CCN5: variants seen among roughly 807,000 people sequenced by gnomAD.
CCN5 encodes the protein cellular communication network factor 5.
A neutral mutation model predicts 18.7 loss-of-function variants in CCN5; 17 were observed. That is an observed-to-expected ratio of 0.91 (90% CI 0.62 to 1.36). The LOEUF is 1.36. Ranked by LOEUF, CCN5 falls within the 40% of genes most tolerant of loss-of-function variation. CCN5 has a pLI of 0.00. For missense variants in CCN5, 367 were observed against 342.9 expected, an observed-to-expected ratio of 1.07 and a Z score of -0.56; for synonymous variants, 135 against 145.2, an observed-to-expected ratio of 0.93 and a Z score of 0.50.
At chr20:44,715,268 C>CGCGCGCGTGT (rs1388403507), upstream of CCN5, 4 of 651,694 alleles carry the variant, frequency 6.1e-6, no homozygotes, top group Admixed American at 7.0e-5. Flanking sequence ...TGTGAGCGCG[C>CGCGCGCGTGT]GCGCGCGCGC....
At chr20:44,718,210 G>T (rs957242392) in intron 1 of CCN5, among the ~76,000 whole-genome samples, 5 of 152,212 alleles carry the variant, frequency 3.3e-5, no homozygotes, top group African/African-American at 1.2e-4. Flanking sequence ...AGGCTGGTCA[G>T]CCAGTTTGCA....
intron 2 of CCN5, among the ~76,000 whole-genome samples, chr20:44,722,319 A>G (rs1458903835): frequency 6.6e-6 from 1 of 152,208 alleles, no homozygotes; most frequent in African/African-American, 2.4e-5. Flanking sequence ...CAGATTCACC[A>G]TCGTGATAAC....
At chr20:44,720,189 C>A in intron 2 of CCN5, 76 bp downstream of exon 2, 1 of 1,427,360 alleles carries the variant, frequency 7.0e-7, no homozygotes, top group Non-Finnish European at 9.5e-7. Flanking sequence ...GATCAAAGTG[C>A]AGCCCTCCTC....
chr20:44,724,512 G>A (rs867241496), intron 2 of CCN5: 7 of 594,108 alleles, frequency 1.2e-5, no homozygotes, highest in Middle Eastern at 4.5e-4. Context: ...GGCAGAGTTT[G>A]GGGGGTCAAT....
chr20:44,715,584 T>C, intron 1 of CCN5, 134 bp downstream of exon 1: 2 of 978,350 alleles, frequency 2.0e-6, no homozygotes, highest in Non-Finnish European at 3.0e-6. Context: ...CTGGCCCCCA[T>C]GCCTAAGCAG....
chr20:44,722,963 G>A (rs1001459782), intron 2 of CCN5, among the ~76,000 whole-genome samples: 2 of 152,112 alleles, frequency 1.3e-5, no homozygotes, highest in African/African-American at 2.4e-5. Flanking sequence ...AGCAGTCAGA[G>A]AGCTCCTGGG....
chr20:44,718,033 C>T (rs1400813582), intron 1 of CCN5, among the ~76,000 whole-genome samples: 1 of 152,228 alleles, frequency 6.6e-6, no homozygotes, highest in African/African-American at 2.4e-5. Context: ...TCAGACCACA[C>T]CTTGAGGGGC....
In CCN5 at chr20:44,720,029, G is replaced by C. The variant is rs750003959; in HGVS notation, c.193G>C (p.Asp65His). 6.2e-7 allele frequency: 1 copy of C among 1,604,896 alleles called. No individual in the cohort carries two copies. Among genetic ancestry groups the C allele is most frequent in the South Asian group, 1.1e-5 (1 of 90,434 alleles). The change falls in exon 2 of 4, where the codon GAC becomes CAC. Residue 65 changes from aspartate (D) to histidine (H), a missense_variant. Asp to His is a moderately conservative substitution (Grantham distance 81). Transcript: ENST00000190983. ...VCARRLGEPC[D>H]QLHVCDASQG... ...TGCACGGCGGCTGGGGGAGCCCTGC[G>C]ACCAACTCCACGTCTGCGACGCCAG...
rs1214204132 is a variant in CCN5 at position 44,724,950 on chromosome 20, G to A, written c.490G>A (p.Gly164Ser). ...LGKCCPEWVC[G>S]QGGGLGTQPL... is the part of the protein sequence containing the mutation. ...CAAGTGCTGCCCTGAGTGGGTGTGCGGCCAAGGAGGGGGACTGGGGACCCA... is the reference window on the plus strand; with the variant it reads ...CAAGTGCTGCCCTGAGTGGGTGTGCAGCCAAGGAGGGGGACTGGGGACCCA... The change falls in exon 3 of 4, where the codon GGC becomes AGC. Residue 164 changes from glycine to serine, a missense_variant. By Grantham distance (56) the Gly-to-Ser change is moderately conservative (BLOSUM62 0). Coordinates refer to ENST00000190983, the MANE Select transcript of CCN5 (RefSeq NM_003881.4). The A allele has an allele frequency of 3.8e-6, 6 of 1,596,244 alleles. No homozygotes were observed. Among genetic ancestry groups the A allele is most frequent in the African/African-American group, 2.7e-5 (2 of 74,798 alleles).
At chr20:44,715,548 C>A (rs778596508) in intron 1 of CCN5, 98 bp downstream of exon 1, 15 of 1,329,606 alleles carry the variant, frequency 1.1e-5, no homozygotes, top group Middle Eastern at 2.1e-4. Context: ...GGCAGAATTC[C>A]TCCAGGGCCC....
intron 2 of CCN5, 167 bp downstream of exon 2, chr20:44,720,280 C>T: frequency 1.4e-6 from 1 of 699,330 alleles, no homozygotes; most frequent in Non-Finnish European, 2.4e-6. Flanking sequence ...CTCCCCACTC[C>T]CTCCTCTCCC....
intron 1 of CCN5, among the ~76,000 whole-genome samples, chr20:44,717,080 G>A (rs1264468001): frequency 6.6e-6 from 1 of 152,110 alleles, no homozygotes; most frequent in Non-Finnish European, 1.5e-5. Context: ...TGGGGAAACT[G>A]AGGCACAATG....
At chr20:44,719,203 C>T (rs1372417305) in intron 1 of CCN5, among the ~76,000 whole-genome samples, 2 of 152,176 alleles carry the variant, frequency 1.3e-5, no homozygotes, top group African/African-American at 4.8e-5. Context: ...GTGCAGTGAG[C>T]GCCTACTGCA....
intron 3 of CCN5, among the ~76,000 whole-genome samples, 192 bp from the exon 4 acceptor site, chr20:44,726,895 G>T (rs1421091459): frequency 6.6e-6 from 1 of 152,190 alleles, no homozygotes; most frequent in African/African-American, 2.4e-5. Flanking sequence ...CAAGTACCAG[G>T]TACTGTGCTA....
chr20:44,723,822 C>T (rs1270141764), intron 2 of CCN5: 3 of 152,228 alleles, frequency 2.0e-5, no homozygotes, highest in Non-Finnish European at 4.4e-5. Flanking sequence ...GTAAATATCT[C>T]TGGAATGATA....
intron 2 of CCN5, among the ~76,000 whole-genome samples, chr20:44,722,927 C>T (rs1034515452): frequency 6.6e-6 from 1 of 152,138 alleles, no homozygotes; most frequent in Non-Finnish European, 1.5e-5. Flanking sequence ...CTCCTTCTGT[C>T]GTTGCCCCTG....
upstream of CCN5, chr20:44,715,286 T>C (rs556810780): frequency 1.4e-5 from 13 of 906,816 alleles, no homozygotes; most frequent in African/African-American, 1.1e-4. Flanking sequence ...CGCGCGTGTG[T>C]ACTCGTGCGT....
Position 44,727,257 on chromosome 20 carries a change from A to G in CCN5, c.703A>G (p.Arg235Gly), listed in dbSNP as rs539806723. ...GACCCAGCGCCGCCTGTGCCTGTCC[A>G]GGCCCTGCCCACCCTCCAGGGGTCG... ...LETQRRLCLSRPCPPSRGRSP... is the reference protein window; with the variant it reads ...LETQRRLCLSGPCPPSRGRSP... The change falls in exon 4 of 4, where the codon AGG (arginine) becomes GGG (glycine). Residue 235 changes from arginine (R) to glycine (G), a missense_variant. Physicochemically the swap from Arg to Gly is moderately radical, Grantham distance 125. Transcript: ENST00000190983. 6.2e-7 allele frequency: 1 copy of G among 1,613,720 alleles called. No individual in the cohort carries two copies. The highest frequency in any genetic ancestry group is 2.2e-5 in the East Asian group (1 of 44,862).
At chr20:44,717,586 G>A (rs918899705) in intron 1 of CCN5, among the ~76,000 whole-genome samples, 3 of 152,190 alleles carry the variant, frequency 2.0e-5, no homozygotes, top group Non-Finnish European at 4.4e-5. Context: ...TTATGAAAAT[G>A]CAGATTCGGG....
Sources: gnomAD v4.1 joint callset for allele counts (sites outside exome capture counted in the v4.1 genomes callset) on GRCh38, gnomAD v4.1.1 for gene constraint, MANE v1.5 for transcripts, NCBI Gene and HGNC (gene_info 2026-07-23, HGNC 2026-07-21) for gene names.